Variants in GON4L observed in about 807,000 individuals in gnomAD.
GON4L encodes the protein gon-4 like, also known as GON-4-like protein.
GON4L carries 87 observed loss-of-function variants against 211.8 expected under a neutral mutation model. The ratio of observed to expected loss-of-function variants is 0.41; its 90% CI spans 0.35 to 0.49. The LOEUF (loss-of-function observed/expected upper bound fraction) is 0.49. Among genes scored for constraint, GON4L ranks in the 20% least tolerant of loss-of-function variants. The pLI is 0.15. For synonymous variants in GON4L, 875 were observed against 962.6 expected (o/e 0.91, Z 1.68); for missense variants, 2,155 against 2,659.5 (o/e 0.81, Z 4.17).
rs1671986947 is a variant in GON4L, at chr1:155,853,341, C to T, written c.440G>A (p.Cys147Tyr). ...RPGPVTQEDR[C>Y]DHLTLKEPFS... ...AGGCTCCTTTAGGGTAAGATGATCA[C>T]ATCTGTCTTCTTGGGTAACTGGCCC... The change falls in exon 2 of 32, where the codon TGT becomes TAT. Residue 147 changes from cysteine (C) to tyrosine (Y), a missense_variant. Transcript: ENST00000368331. The T allele has an allele frequency of 6.8e-6, 11 of 1,613,904 alleles. No homozygotes were observed. Among genetic ancestry groups the T allele is most frequent in the Non-Finnish European group, 8.5e-6 (10 of 1,179,892 alleles).
intron 11 of GON4L, among the ~76,000 whole-genome samples, chr1:155,798,701 G>C (rs1666336350): frequency 6.6e-6 from 1 of 151,050 alleles, no homozygotes; most frequent in Non-Finnish European, 1.5e-5. Context: ...TTAGAAGTGT[G>C]AGAGACACTG....
intron 11 of GON4L, among the ~76,000 whole-genome samples, chr1:155,796,438 CG>C (rs1666076418): frequency 6.6e-6 from 1 of 151,834 alleles, no homozygotes; most frequent in South Asian, 2.1e-4. Flanking sequence ...CCACCACGCC[CG>C]GCTAATTTTT....
At chr1:155,852,117 A>G (rs948161713) in intron 2 of GON4L, among the ~76,000 whole-genome samples, 1 of 150,762 alleles carries the variant, frequency 6.6e-6, no homozygotes, top group Non-Finnish European at 1.5e-5. Flanking sequence ...GTGAGCCAAG[A>G]TCACACCACT....
intron 12 of GON4L, among the ~76,000 whole-genome samples, chr1:155,789,083 C>T (rs1310450170): frequency 8.2e-6 from 1 of 121,320 alleles, no homozygotes; most frequent in African/African-American, 3.3e-5. Context: ...GACTCCGTCT[C>T]GGAAAAAAAA....
chr1:155,791,696 C>T (rs144851346), intron 12 of GON4L, among the ~76,000 whole-genome samples: 1,722 of 151,696 alleles, frequency 0.011, 31 homozygotes, highest in African/African-American at 0.04. Context: ...GGTGAAACCC[C>T]GTCTCTACTA....
chr1:155,764,787 A>G (rs1327486445), intron 21 of GON4L: 3 of 1,301,026 alleles, frequency 2.3e-6, no homozygotes, highest in Non-Finnish European at 3.3e-6. Flanking sequence ...GATTCAATTT[A>G]ATGTGTAAAC....
downstream of GON4L, chr1:155,746,896 T>C (rs1660263518): frequency 2.5e-6 from 4 of 1,596,686 alleles, no homozygotes; most frequent in East Asian, 4.5e-5. Flanking sequence ...CCTGAACTTT[T>C]TAACCCGGTG....
chr1:155,800,152 T>G (rs1166935386), intron 11 of GON4L, among the ~76,000 whole-genome samples: 1 of 151,484 alleles, frequency 6.6e-6, no homozygotes, highest in Non-Finnish European at 1.5e-5. Context: ...TGAGCTGAGA[T>G]CGTGCCATTG....
intron 3 of GON4L, among the ~76,000 whole-genome samples, chr1:155,823,898 CA>C (rs1485047628): frequency 2.0e-5 from 3 of 151,820 alleles, no homozygotes; most frequent in African/African-American, 7.3e-5. Context: ...CACACACACA[CA>C]AAAAAACCAT....
intron 10 of GON4L, among the ~76,000 whole-genome samples, chr1:155,808,321 G>A (rs888360667): frequency 2.6e-5 from 4 of 152,144 alleles, no homozygotes; most frequent in African/African-American, 9.7e-5. Flanking sequence ...TTACAGGCAT[G>A]AGCCACCACA....
chr1:155,752,496 C>G lies in GON4L; in HGVS notation c.5937G>C (p.Glu1979Asp). The G allele has an allele frequency of 6.3e-7, 1 of 1,587,352 alleles. No individual in the cohort carries two copies. The highest frequency in any genetic ancestry group is 2.3e-5 in the East Asian group (1 of 43,664). The change falls in exon 30 of 32, where the codon GAG (glutamate) becomes GAC (aspartate). Residue 1979 changes from glutamate to aspartate, a missense_variant. Physicochemically the swap from Glu to Asp is conservative, Grantham distance 45. Coordinates refer to ENST00000368331, the MANE Select transcript of GON4L (RefSeq NM_001282860.2). ...CAGTTGTGGGGGGAAATTGAGGAGT[C>G]TCTGGTGAATGAGGTGGTGGGCCAT... is the stretch of plus-strand genomic sequence containing the variant. Reference protein sequence around the residue: ...LLDGPPPHSPETPQFPPTTGA... With the variant: ...LLDGPPPHSPDTPQFPPTTGA...
At chr1:155,783,098 T>A (rs561478545) in intron 14 of GON4L, among the ~76,000 whole-genome samples, 1 of 152,352 alleles carries the variant, frequency 6.6e-6, no homozygotes, top group East Asian at 1.9e-4. Context: ...GAGCTGTAAC[T>A]TAAAATAATG....
At chr1:155,808,658 G>A (rs1359619139) in intron 10 of GON4L, among the ~76,000 whole-genome samples, 1 of 151,572 alleles carries the variant, frequency 6.6e-6, no homozygotes, top group African/African-American at 2.4e-5. Flanking sequence ...TGACAGTCTT[G>A]CTCTGTGGCC....
chr1:155,806,986 C>G (rs989816152), intron 10 of GON4L, among the ~76,000 whole-genome samples: 20 of 150,998 alleles, frequency 1.3e-4, no homozygotes, highest in African/African-American at 4.9e-4. Context: ...GTAGTCCCAG[C>G]TACTTAGGAG....
chr1:155,795,692 T>G (rs941748475), intron 11 of GON4L, among the ~76,000 whole-genome samples: 6 of 152,180 alleles, frequency 3.9e-5, no homozygotes, highest in Non-Finnish European at 5.9e-5. Flanking sequence ...CAGGCTGAAG[T>G]GCAGTGGCAC....
chr1:155,789,502 G>C (rs1241605677), intron 12 of GON4L, among the ~76,000 whole-genome samples: 3 of 151,944 alleles, frequency 2.0e-5, no homozygotes, highest in African/African-American at 7.3e-5. Context: ...ATAGCCAGGT[G>C]CCATTGTGCA....
chr1:155,766,246 G>A lies in GON4L; in HGVS notation c.3227C>T (p.Pro1076Leu). Residue 1076 changes from proline to leucine, a missense_variant, in exon 21 of 32, where the codon CCC becomes CTC. By Grantham distance (98) the Pro-to-Leu change is moderately conservative. This residue lies in a region of GON4L where 615 missense variants were observed against 625.7 expected (regional missense o/e 0.98). Transcript: ENST00000368331. ...FESPAALPAV[P>L]PEARTSFPLS... Reference sequence around the variant, plus strand: ...AGGGAAGCTTGTCCTGGCCTCAGGGGGCACAGCAGGCAGTGCTGCAGGAGA... The same window carrying A: ...AGGGAAGCTTGTCCTGGCCTCAGGGAGCACAGCAGGCAGTGCTGCAGGAGA... 1 of 1,614,092 alleles carries A rather than the reference G, an allele frequency of 6.2e-7. No homozygotes were observed. Among genetic ancestry groups the A allele is most frequent in the Non-Finnish European group, 8.5e-7 (1 of 1,180,030 alleles).
At chr1:155,840,091 G>T in intron 2 of GON4L, among the ~76,000 whole-genome samples, 1 of 152,072 alleles carries the variant, frequency 6.6e-6, no homozygotes, top group Admixed American at 6.6e-5. Context: ...TAGCTTAGAG[G>T]TCTATAAAAG....
chr1:155,751,126 CTT>C (rs151255434), intron 31 of GON4L, among the ~76,000 whole-genome samples: 3,925 of 152,276 alleles, frequency 0.026, 169 homozygotes, highest in African/African-American at 0.087. Context: ...TGAAAAATCT[CTT>C]GTTTATTCCT....
Sources: allele counts gnomAD v4.1 joint callset (sites outside exome capture counted in the v4.1 genomes callset), GRCh38; gene constraint gnomAD v4.1.1; regional missense constraint gnomAD v4.1.1; transcripts MANE v1.5; gene names NCBI Gene and HGNC (gene_info 2026-07-23, HGNC 2026-07-21).